The following PXT1 variants were observed in gnomAD, a reference collection of about 807,000 sequenced individuals.
The protein encoded by PXT1 is peroxisomal testis enriched protein 1, also known as peroxisomal testis-specific protein 1.
A neutral mutation model predicts 11.0 loss-of-function variants in PXT1; 11 were observed. That is an observed-to-expected ratio of 1.00 (90% CI 0.63 to 1.66). PXT1 has a LOEUF of 1.66. Ranked by LOEUF, PXT1 falls within the 40% of genes most tolerant of loss-of-function variation. The pLI, the probability that PXT1 is intolerant of heterozygous loss-of-function variation, is 0.00. For missense variants in PXT1, 141 were observed against 155.5 expected, an observed-to-expected ratio of 0.91 and a Z score of 0.49; for synonymous variants, 43 against 51.4, an observed-to-expected ratio of 0.84 and a Z score of 0.70.
intron 1 of PXT1, among the ~76,000 whole-genome samples, chr6:36,440,275 T>C (rs910525982): frequency 6.6e-6 from 1 of 152,216 alleles, no homozygotes; most frequent in Non-Finnish European, 1.5e-5. Context: ...TTTTTATTCT[T>C]AAGAGTCAAC....
At chr6:36,403,251 G>A (rs1187043606) in intron 3 of PXT1, among the ~76,000 whole-genome samples, 1 of 152,248 alleles carries the variant, frequency 6.6e-6, no homozygotes, top group African/African-American at 2.4e-5. Context: ...CCTAGGGTTT[G>A]AAAGCCAGTG....
intron 3 of PXT1, among the ~76,000 whole-genome samples, chr6:36,416,040 A>C (rs1412136852): frequency 6.6e-6 from 1 of 152,080 alleles, no homozygotes; most frequent in Admixed American, 6.5e-5. Flanking sequence ...CACTACCAGA[A>C]ATAAAAAAAA....
chr6:36,422,672 T>C (rs1774538892), intron 3 of PXT1, among the ~76,000 whole-genome samples: 1 of 152,016 alleles, frequency 6.6e-6, no homozygotes, highest in African/African-American at 2.4e-5. Flanking sequence ...AATGTATATC[T>C]AGAGGAGGAA....
intron 3 of PXT1, among the ~76,000 whole-genome samples, chr6:36,419,927 A>G (rs1322406871): frequency 6.6e-6 from 1 of 152,224 alleles, no homozygotes; most frequent in Non-Finnish European, 1.5e-5. Context: ...TAGTGTGGGA[A>G]GAGAGGGCCA....
Position 36,391,820 on chromosome 6 carries a change from T to C in PXT1, c.355A>G (p.Arg119Gly), listed in dbSNP as rs1774071357. 1 of 1,613,540 alleles carries C rather than the reference T, an allele frequency of 6.2e-7. No individual in the cohort carries two copies. The highest frequency in any genetic ancestry group is 8.5e-7 in the Non-Finnish European group (1 of 1,179,890). ...AAATGCAGCAACACCTGAACTCTTC[T>C]AAAGAAAAAGAAGACAAAATGATCT... ...ALDHFVFFFF[R>G]RVQVLLHFFW... The change falls in exon 5 of 5, where the codon AGA becomes GGA. Residue 119 changes from arginine (R) to glycine (G), a missense_variant. Coordinates refer to ENST00000454782, the MANE Select transcript of PXT1 (RefSeq NM_152990.4).
chr6:36,417,003 T>A (rs1162129858), intron 3 of PXT1, among the ~76,000 whole-genome samples: 1 of 152,000 alleles, frequency 6.6e-6, no homozygotes, highest in Non-Finnish European at 1.5e-5. Flanking sequence ...AAATAAGAAA[T>A]AGGAGTGCAA....
intron 3 of PXT1, among the ~76,000 whole-genome samples, chr6:36,421,676 C>T (rs1324818269): frequency 2.0e-5 from 3 of 152,130 alleles, no homozygotes; most frequent in Non-Finnish European, 2.9e-5. Context: ...TGCTACATTG[C>T]CCAGGCTGAT....
intron 1 of PXT1, among the ~76,000 whole-genome samples, chr6:36,441,752 G>C (rs890913287): frequency 7.2e-5 from 11 of 152,124 alleles, no homozygotes; most frequent in Non-Finnish European, 1.3e-4. Context: ...GACCCTCTAG[G>C]CCTCTAAGAC....
intron 3 of PXT1, among the ~76,000 whole-genome samples, chr6:36,415,150 A>C (rs1481156366): frequency 6.6e-6 from 1 of 152,166 alleles, no homozygotes; most frequent in Non-Finnish European, 1.5e-5. Flanking sequence ...GATCCTTTAA[A>C]AAGAATTGCC....
chr6:36,410,372 T>C (rs1461577671), intron 3 of PXT1, among the ~76,000 whole-genome samples: 1 of 149,598 alleles, frequency 6.7e-6, no homozygotes, highest in African/African-American at 2.5e-5. Flanking sequence ...ATCGCTTGAA[T>C]CCGGGAGGCG....
intron 3 of PXT1, among the ~76,000 whole-genome samples, chr6:36,400,970 CAA>C (rs200057048): frequency 7.4e-6 from 1 of 134,618 alleles, no homozygotes; most frequent in Non-Finnish European, 1.6e-5. Flanking sequence ...AACTCCATCT[CAA>C]AAAAAAAAAG....
chr6:36,410,007 G>GGAAAGA (rs1335778227), intron 3 of PXT1, among the ~76,000 whole-genome samples: 1 of 151,372 alleles, frequency 6.6e-6, no homozygotes, highest in Non-Finnish European at 1.5e-5. Flanking sequence ...AAGGAAGGAA[G>GGAAAGA]GAAAGAGAAA....
In PXT1 at chr6:36,400,452, A is replaced by T. The variant is rs764520393; in HGVS notation, c.300+2T>A. 1 of 1,612,898 alleles carries T rather than the reference A, an allele frequency of 6.2e-7. No homozygotes were observed. Among genetic ancestry groups the T allele is most frequent in the African/African-American group, 1.3e-5 (1 of 74,826 alleles). On this transcript the variant is annotated splice_donor_variant, in intron 4 of 4. Transcript: ENST00000454782. LOFTEE classifies it high-confidence loss of function. ...CCCTGGCTGGGGAAACTGAAGCCTC[A>T]CCTCTCGAACCATCCTATGATCAAT...
intron 3 of PXT1, among the ~76,000 whole-genome samples, chr6:36,412,658 CA>C (rs70975156): frequency 1.4e-4 from 20 of 146,050 alleles, no homozygotes; most frequent in South Asian, 8.9e-4. Context: ...GACTCCGTCT[CA>C]AAAAAAAAAA....
At chr6:36,431,449 A>G (rs1774691163) in intron 2 of PXT1, among the ~76,000 whole-genome samples, 1 of 152,130 alleles carries the variant, frequency 6.6e-6, no homozygotes, top group Non-Finnish European at 1.5e-5. Context: ...GAAAGAGGCT[A>G]TATTAGAGTC....
chr6:36,409,464 C>A (rs186453750), intron 3 of PXT1, among the ~76,000 whole-genome samples: 63 of 152,122 alleles, frequency 4.1e-4, no homozygotes, highest in Non-Finnish European at 8.1e-4. Flanking sequence ...TGATGGGGAT[C>A]AACTGCACCA....
chr6:36,424,161 G>T (rs990238010), intron 3 of PXT1, among the ~76,000 whole-genome samples: 2 of 152,156 alleles, frequency 1.3e-5, no homozygotes, highest in African/African-American at 4.8e-5. Context: ...TAAAATCTTA[G>T]AATAGTGGCG....
At position 36,426,937 on chromosome 6, in the gene PXT1, G is replaced by A. The variant is rs1205442440; in HGVS notation, c.-9-846C>T. 2.0e-5 allele frequency among the ~76,000 whole-genome samples: 3 copies of A among 151,668 alleles called. No homozygotes were observed. In the East Asian group the frequency reaches 5.8e-4, roughly 29 times the overall value. ...ACACTAATATGAAGATTACTCTTCCGCCCCCTTTCCCTTTTCCCCTCCAAT... is the reference window on the plus strand; with the variant it reads ...ACACTAATATGAAGATTACTCTTCCACCCCCTTTCCCTTTTCCCCTCCAAT... On this transcript the variant is annotated intron_variant, in intron 2 of 4. Coordinates refer to ENST00000454782, the MANE Select transcript of PXT1 (RefSeq NM_152990.4).
intron 3 of PXT1, among the ~76,000 whole-genome samples, chr6:36,406,606 T>C (rs1774295603): frequency 6.6e-6 from 1 of 151,408 alleles, no homozygotes; most frequent in Non-Finnish European, 1.5e-5. Flanking sequence ...AGGTCAGGAG[T>C]TCGAGACCAG....
Sources: allele counts gnomAD v4.1 joint callset (sites outside exome capture counted in the v4.1 genomes callset), GRCh38; gene constraint gnomAD v4.1.1; transcripts MANE v1.5; gene names NCBI Gene and HGNC (gene_info 2026-07-23, HGNC 2026-07-21).